Variants in TUSC3 observed in about 807,000 individuals in gnomAD.
TUSC3 encodes tumor suppressor candidate 3, also known as dolichyl-diphosphooligosaccharide--protein glycosyltransferase subunit TUSC3.
Under a neutral mutation model 44.8 loss-of-function variants are expected in TUSC3, and 45 were observed. The observed-to-expected ratio is 1.00, with a 90% confidence interval of 0.79 to 1.29. TUSC3 has a LOEUF of 1.29. Among genes scored for constraint, TUSC3 ranks in the 50% most tolerant of loss-of-function variants. The pLI, the probability that TUSC3 is intolerant of heterozygous loss-of-function variation, is 0.00. For synonymous variants in TUSC3, 212 were observed against 152.9 expected (o/e 1.39, Z -2.85); for missense variants, 519 against 437.9 (o/e 1.19, Z -1.65).
At chr8:15,686,138 C>G (rs550380549) in intron 6 of TUSC3, among the ~76,000 whole-genome samples, 1 of 152,104 alleles carries the variant, frequency 6.6e-6, no homozygotes, top group South Asian at 2.1e-4. Flanking sequence ...AAAATCAACA[C>G]AAAAGCAGTC....
At chr8:15,576,301 T>C (rs1257560371) in intron 1 of TUSC3, among the ~76,000 whole-genome samples, 1 of 148,360 alleles carries the variant, frequency 6.7e-6, no homozygotes, top group Non-Finnish European at 1.5e-5. Context: ...TATTTTTTTA[T>C]TTTTTTATTT....
chr8:15,475,777 C>A (rs990927132), intron 1 of TUSC3, among the ~76,000 whole-genome samples: 1 of 152,122 alleles, frequency 6.6e-6, no homozygotes, highest in East Asian at 1.9e-4. Context: ...AACTAGTTTG[C>A]ATTTTATAAA....
upstream of TUSC3, among the ~76,000 whole-genome samples, chr8:15,539,223 T>C (rs1801587040): frequency 6.6e-6 from 1 of 151,928 alleles, no homozygotes; most frequent in Admixed American, 6.6e-5. Flanking sequence ...TTTATCACAT[T>C]ACCAAAGGTG....
chr8:15,423,428 T>C (rs1464659973), intron 1 of TUSC3, among the ~76,000 whole-genome samples: 1 of 152,192 alleles, frequency 6.6e-6, no homozygotes, highest in Non-Finnish European at 1.5e-5. Flanking sequence ...GTGCGTTCCA[T>C]AAGTCTGTCG....
chr8:15,600,481 C>A (rs1442961019), intron 1 of TUSC3, among the ~76,000 whole-genome samples: 2 of 151,678 alleles, frequency 1.3e-5, no homozygotes, highest in African/African-American at 4.8e-5. Flanking sequence ...ATGTAAATTT[C>A]TCTTCCTTGG....
chr8:15,566,121 T>C (rs904586476), intron 1 of TUSC3, among the ~76,000 whole-genome samples: 1 of 152,166 alleles, frequency 6.6e-6, no homozygotes, highest in Non-Finnish European at 1.5e-5. Context: ...CTGGTATGCA[T>C]TCTCAGTGTC....
intron 5 of TUSC3, among the ~76,000 whole-genome samples, chr8:15,671,670 C>T (rs1049272635): frequency 2.0e-5 from 3 of 151,840 alleles, no homozygotes; most frequent in African/African-American, 4.8e-5. Flanking sequence ...GGTGACATAC[C>T]GTAAATAGTA....
At chr8:15,534,377 C>G (rs151230046) in intron 2 of TUSC3, among the ~76,000 whole-genome samples, 1 of 152,060 alleles carries the variant, frequency 6.6e-6, no homozygotes, top group South Asian at 2.1e-4. Flanking sequence ...GGCGCGGTGA[C>G]GCACACCTGT....
rs144458973 is a variant in TUSC3, at chr8:15,524,777, C to T, written n.189+41294C>T. The stretch of plus-strand genomic sequence containing the variant: ...CTCATGAGCGCATAGTGAAGTTTTG[C>T]AGACACCCTATAATATGTGATATTA... On this transcript the variant is annotated intron_variant and non_coding_transcript_variant, in intron 2 of 5. Coordinates refer to the TUSC3 transcript ENST00000503191. Among the ~76,000 whole-genome samples, 543 of 152,240 alleles carry T rather than the reference C, an allele frequency of 3.6e-3. 3 individuals are homozygous for T. Among genetic ancestry groups the T allele is most frequent in the Middle Eastern group, 0.024 (7 of 294 alleles).
intron 1 of TUSC3, among the ~76,000 whole-genome samples, chr8:15,590,340 A>C (rs1433333371): frequency 6.6e-6 from 1 of 152,128 alleles, no homozygotes; most frequent in Non-Finnish European, 1.5e-5. Context: ...TGGCAAAGTC[A>C]AACCCAGGCT....
At chr8:15,836,232 T>A in the TUSC3 span, among the ~76,000 whole-genome samples, 1 of 151,894 alleles carries the variant, frequency 6.6e-6, no homozygotes, top group Admixed American at 6.6e-5. Context: ...TCCCAGCACT[T>A]TGGGAGGCTA....
At chr8:15,425,537 C>T (rs1223164932) in intron 1 of TUSC3, among the ~76,000 whole-genome samples, 3 of 152,130 alleles carry the variant, frequency 2.0e-5, no homozygotes, top group East Asian at 1.9e-4. Flanking sequence ...ATGTATGTTG[C>T]CTGAAAAACC....
At chr8:15,552,374 A>T (rs1218896820) in intron 1 of TUSC3, among the ~76,000 whole-genome samples, 1 of 151,718 alleles carries the variant, frequency 6.6e-6, no homozygotes, top group East Asian at 1.9e-4. Context: ...TAAGACAGCC[A>T]TTGTCCCGGA....
At chr8:15,678,933 A>G (rs990945262) in intron 6 of TUSC3, among the ~76,000 whole-genome samples, 2 of 152,132 alleles carry the variant, frequency 1.3e-5, no homozygotes, top group Admixed American at 6.6e-5. Context: ...GTTGATTTGG[A>G]GGACATGATT....
intron 6 of TUSC3, among the ~76,000 whole-genome samples, chr8:15,702,575 T>C (rs1301184733): frequency 6.6e-6 from 1 of 152,026 alleles, no homozygotes; most frequent in African/African-American, 2.4e-5. Flanking sequence ...CTTTCAGCAG[T>C]CATCATGCCA....
the TUSC3 span, among the ~76,000 whole-genome samples, chr8:15,848,072 T>G: frequency 6.6e-6 from 1 of 152,184 alleles, no homozygotes; most frequent in Admixed American, 6.5e-5. Flanking sequence ...GGGTACTGGA[T>G]GCATCCTCTT....
intron 1 of TUSC3, among the ~76,000 whole-genome samples, chr8:15,561,260 G>T (rs1162533216): frequency 1.4e-5 from 2 of 146,814 alleles, no homozygotes; most frequent in Admixed American, 6.8e-5. Context: ...GGAATACCCT[G>T]CAGTGTGAGG....
At chr8:15,526,330 C>T (rs541567738) in intron 2 of TUSC3, among the ~76,000 whole-genome samples, 1 of 152,116 alleles carries the variant, frequency 6.6e-6, no homozygotes, top group South Asian at 2.1e-4. Context: ...CCGCGCCTGG[C>T]TAGGGAAATT....
At chr8:15,483,438 T>C (rs201801100) in exon 2 of TUSC3, 3 of 163,966 alleles carry the variant, frequency 1.8e-5, no homozygotes, top group Admixed American at 6.2e-5. Context: ...CCTCCCGGGT[T>C]CAAGCGAGTC....
Sources: allele counts gnomAD v4.1 joint callset (sites outside exome capture counted in the v4.1 genomes callset), GRCh38; gene constraint gnomAD v4.1.1; transcripts MANE v1.5; gene names NCBI Gene and HGNC (gene_info 2026-07-23, HGNC 2026-07-21).